Variants in FGF14 observed in about 807,000 individuals in gnomAD.
The protein encoded by FGF14 is fibroblast growth factor 14.
Under a neutral mutation model 25.5 loss-of-function variants are expected in FGF14, and 5 were observed. The observed-to-expected ratio is 0.20, with a 90% CI of 0.10 to 0.41. The LOEUF (loss-of-function observed/expected upper bound fraction) is 0.41, where lower values mean the gene tolerates loss of function less well. FGF14 is among the 10% of genes least tolerant of loss of function. The pLI is 1.00. For synonymous variants in FGF14, 138 were observed against 118.3 expected, an observed-to-expected ratio of 1.17 and a Z score of -1.08; for missense variants, 222 against 320.1, an observed-to-expected ratio of 0.69 and a Z score of 2.34.
At chr13:102,301,464 T>A (rs2138572717) in intron 1 of FGF14, among the ~76,000 whole-genome samples, 1 of 152,290 alleles carries the variant, frequency 6.6e-6, no homozygotes, top group Non-Finnish European at 1.5e-5. Context: ...AAATAAAACA[T>A]GGGCTCCTCA....
chr13:102,203,893 C>T (rs1594395287), intron 1 of FGF14, among the ~76,000 whole-genome samples: 1 of 152,188 alleles, frequency 6.6e-6, no homozygotes, highest in Non-Finnish European at 1.5e-5. Context: ...TAATTAAAGC[C>T]TAATTGTTAC....
intron 1 of FGF14, among the ~76,000 whole-genome samples, chr13:102,163,577 A>G (rs2047872377): frequency 6.6e-6 from 1 of 152,138 alleles, no homozygotes; most frequent in Admixed American, 6.6e-5. Flanking sequence ...ACTAGGATTG[A>G]AATCTCTGGG....
chr13:101,784,781 T>C (rs1216083853), intron 3 of FGF14, among the ~76,000 whole-genome samples: 1 of 152,192 alleles, frequency 6.6e-6, no homozygotes, highest in Non-Finnish European at 1.5e-5. Context: ...TTGAACTGTT[T>C]AAGACAATAG....
At chr13:102,215,375 T>C (rs965304257) in intron 1 of FGF14, among the ~76,000 whole-genome samples, 1 of 152,250 alleles carries the variant, frequency 6.6e-6, no homozygotes, top group Non-Finnish European at 1.5e-5. Context: ...AATAATCTTT[T>C]AAGCAGAAGC....
rs147705851 is a variant in FGF14 at position 101,728,078 on chromosome 13, A to C, written c.409-1268T>G. ...CTAACTGTAATTAGGAATGTGACCTAATGTCATGTAGAAATTTCCTTTCAA... is the reference window on the plus strand; with the variant it reads ...CTAACTGTAATTAGGAATGTGACCTCATGTCATGTAGAAATTTCCTTTCAA... On this transcript the variant is annotated intron_variant, in intron 3 of 4. Transcript: ENST00000376143. Among the ~76,000 whole-genome samples the C allele has an allele frequency of 8.8e-3, 1,346 of 152,294 alleles. 27 individuals carry two copies. Among genetic ancestry groups the C allele is most frequent in the East Asian group, 0.053 (276 of 5,170 alleles).
intron 1 of FGF14, among the ~76,000 whole-genome samples, chr13:102,076,712 A>T (rs924805761): frequency 6.6e-6 from 1 of 152,216 alleles, no homozygotes; most frequent in African/African-American, 2.4e-5. Flanking sequence ...TAAAATGTCC[A>T]TACTTTCCAA....
chr13:102,397,103 T>G (rs2058603053), intron 1 of FGF14, among the ~76,000 whole-genome samples: 1 of 152,224 alleles, frequency 6.6e-6, no homozygotes, highest in Admixed American at 6.5e-5. Context: ...CCAGCTCTAC[T>G]GGAACCTAGG....
chr13:102,200,707 A>G (rs1780374956), intron 1 of FGF14, among the ~76,000 whole-genome samples: 1 of 151,266 alleles, frequency 6.6e-6, no homozygotes, highest in Non-Finnish European at 1.5e-5. Flanking sequence ...CAGAGACTCT[A>G]CTTACTATTT....
intron 1 of FGF14, among the ~76,000 whole-genome samples, chr13:102,266,017 C>T (rs901743376): frequency 6.6e-5 from 10 of 151,504 alleles, no homozygotes; most frequent in Non-Finnish European, 1.2e-4. Context: ...GACAGCCCCA[C>T]AAAAAAAGAC....
chr13:101,771,700 T>C (rs115294961), intron 3 of FGF14, among the ~76,000 whole-genome samples: 103 of 152,212 alleles, frequency 6.8e-4, no homozygotes, highest in African/African-American at 2.4e-3. Flanking sequence ...TGAAAACATT[T>C]TTAGGTAAAA....
chr13:101,806,898 CG>C (rs2041236930), intron 3 of FGF14, among the ~76,000 whole-genome samples: 1 of 152,018 alleles, frequency 6.6e-6, no homozygotes, highest in East Asian at 1.9e-4. Context: ...ATAGAGCTTC[CG>C]AATTCAACAT....
At chr13:101,968,571 G>C (rs893355907) in intron 1 of FGF14, among the ~76,000 whole-genome samples, 14 of 151,142 alleles carry the variant, frequency 9.3e-5, no homozygotes, top group African/African-American at 3.4e-4. Context: ...TACTCGGGAG[G>C]CTGAGGCAGG....
chr13:102,240,730 T>C (rs2051555480), intron 1 of FGF14, among the ~76,000 whole-genome samples: 1 of 152,160 alleles, frequency 6.6e-6, no homozygotes, highest in African/African-American at 2.4e-5. Context: ...ACACATAAAA[T>C]TTTTTAAAAC....
intron 1 of FGF14, among the ~76,000 whole-genome samples, chr13:102,212,346 T>C (rs1173364197): frequency 6.6e-6 from 1 of 152,126 alleles, no homozygotes; most frequent in Non-Finnish European, 1.5e-5. Flanking sequence ...TCGAACACAG[T>C]AAAGTCTAAC....
At chr13:102,066,051 T>G (rs917103361) in intron 1 of FGF14, among the ~76,000 whole-genome samples, 1 of 152,126 alleles carries the variant, frequency 6.6e-6, no homozygotes, top group Non-Finnish European at 1.5e-5. Context: ...ATATTTCACA[T>G]ATAGCTAGTT....
intron 1 of FGF14, among the ~76,000 whole-genome samples, chr13:101,965,949 C>T (rs2037165928): frequency 6.6e-6 from 1 of 152,084 alleles, no homozygotes; most frequent in African/African-American, 2.4e-5. Flanking sequence ...TATAAGAAGT[C>T]AGCCAGATGT....
intron 1 of FGF14, among the ~76,000 whole-genome samples, chr13:102,158,324 G>A (rs1295864218): frequency 1.3e-5 from 2 of 152,086 alleles, no homozygotes; most frequent in Admixed American, 6.5e-5. Context: ...TGTACACCAT[G>A]GAATACTATG....
At chr13:101,770,320 C>G (rs996469679) in intron 3 of FGF14, among the ~76,000 whole-genome samples, 2 of 151,906 alleles carry the variant, frequency 1.3e-5, no homozygotes, top group Middle Eastern at 3.2e-3. Context: ...ATATTTTTAT[C>G]TTTACCTCGT....
At chr13:102,299,638 G>A (rs2054920942) in intron 1 of FGF14, among the ~76,000 whole-genome samples, 1 of 152,138 alleles carries the variant, frequency 6.6e-6, no homozygotes, top group African/African-American at 2.4e-5. Context: ...AGGTGGAGAG[G>A]GAAAGGGATG....
Sources: gnomAD v4.1 joint callset for allele counts (sites outside exome capture counted in the v4.1 genomes callset) on GRCh38, gnomAD v4.1.1 for gene constraint, MANE v1.5 for transcripts, NCBI Gene and HGNC (gene_info 2026-07-23, HGNC 2026-07-21) for gene names.